The following LRGUK variants were observed in gnomAD, a reference collection of about 807,000 sequenced individuals.
LRGUK encodes the protein leucine rich repeats and guanylate kinase domain containing.
LRGUK carries 65 observed loss-of-function variants against 76.0 expected under a neutral mutation model. That is an observed-to-expected ratio of 0.85 (90% confidence interval 0.70 to 1.05). LRGUK has a LOEUF of 1.05. Among genes scored for constraint, LRGUK ranks in the 50% least tolerant of loss-of-function variants. The pLI, the probability that LRGUK is intolerant of heterozygous loss-of-function variation, is 0.00. For missense variants in LRGUK, 758 were observed against 732.8 expected (o/e 1.03, Z -0.40); for synonymous variants, 268 against 265.6 (o/e 1.01, Z -0.09).
chr7:134,263,403 C>CTGTGTGTGTGTGTCTGTGTG (rs1554479224), intron 19 of LRGUK, among the ~76,000 whole-genome samples: 276 of 142,272 alleles, frequency 1.9e-3, no homozygotes, highest in African/African-American at 7.4e-3. Context: ...CTTCACTTCA[C>CTGTGTGTGTGTGTCTGTGTG]TGTGTGTGTG....
chr7:134,189,011 G>A (rs1383810619), intron 11 of LRGUK, among the ~76,000 whole-genome samples: 1 of 152,134 alleles, frequency 6.6e-6, no homozygotes, highest in African/African-American at 2.4e-5. Context: ...TATTTAGCCT[G>A]GCTTTCCAAT....
chr7:134,273,249 T>C, the LRGUK span, among the ~76,000 whole-genome samples: 25 of 152,268 alleles, frequency 1.6e-4, no homozygotes, highest in East Asian at 2.7e-3. Flanking sequence ...TGTAGACATA[T>C]TGAGAACTTG....
chr7:134,158,035 G>T, exon 6 of LRGUK: 1 of 1,610,098 alleles, frequency 6.2e-7, no homozygotes, highest in Non-Finnish European at 8.5e-7. Flanking sequence ...TGGTGTATAG[G>T]CAATGAGATA....
downstream of LRGUK, among the ~76,000 whole-genome samples, chr7:134,212,487 A>G (rs1352824335): frequency 6.6e-6 from 1 of 152,234 alleles, no homozygotes; most frequent in Non-Finnish European, 1.5e-5. Context: ...TATGAATTTC[A>G]AATGTTATTT....
chr7:134,267,582 C>G (rs1802878382), downstream of LRGUK, among the ~76,000 whole-genome samples: 1 of 152,174 alleles, frequency 6.6e-6, no homozygotes, highest in Non-Finnish European at 1.5e-5. Context: ...CTCACAAGAA[C>G]TGATGGTTTT....
At chr7:134,142,264 G>C (rs186654359) in intron 3 of LRGUK, among the ~76,000 whole-genome samples, 26 of 152,318 alleles carry the variant, frequency 1.7e-4, no homozygotes, top group Non-Finnish European at 3.4e-4. Context: ...TACTAGTAGA[G>C]ACAGGGCCAT....
At chr7:134,250,425 A>G (rs922091754) in intron 18 of LRGUK, among the ~76,000 whole-genome samples, 3 of 152,172 alleles carry the variant, frequency 2.0e-5, no homozygotes, top group Non-Finnish European at 2.9e-5. Context: ...TATTTTCAAC[A>G]ATGAGCATTT....
chr7:134,150,479 CAA>C (rs11403705), intron 5 of LRGUK, among the ~76,000 whole-genome samples: 299 of 134,526 alleles, frequency 2.2e-3, no homozygotes, highest in African/African-American at 6.9e-3. Flanking sequence ...AACAAGCAAA[CAA>C]AAAAAAAAAA....
chr7:134,152,300 A>ATT (rs1457264570), intron 5 of LRGUK, among the ~76,000 whole-genome samples: 1 of 152,056 alleles, frequency 6.6e-6, no homozygotes, highest in Non-Finnish European at 1.5e-5. Flanking sequence ...GCAAAAACAA[A>ATT]TTTTATTAAA....
chr7:134,218,004 GAATCTAGAGTGCGGTGGCAC>G (rs1393313472), intron 15 of LRGUK, among the ~76,000 whole-genome samples: 9 of 152,086 alleles, frequency 5.9e-5, no homozygotes, highest in African/African-American at 1.9e-4. Context: ...TCCCAGGCTG[GAATCTAGAGTGCGGTGGCAC>G]AATCTCAGCT....
At chr7:134,156,280 G>GT (rs55878837) in intron 5 of LRGUK, among the ~76,000 whole-genome samples, 22 of 150,440 alleles carry the variant, frequency 1.5e-4, no homozygotes, top group South Asian at 8.4e-4. Flanking sequence ...TTATTAGGTT[G>GT]TTTTTTTTTC....
intron 11 of LRGUK, 148 bp from the exon 12 acceptor site, chr7:134,191,507 G>T: frequency 1.6e-6 from 1 of 631,766 alleles, no homozygotes; most frequent in Non-Finnish European, 2.7e-6. Flanking sequence ...TTAGCACTTC[G>T]AAACCAACAT....
intron 18 of LRGUK, among the ~76,000 whole-genome samples, chr7:134,255,775 T>C (rs1802563428): frequency 6.6e-6 from 1 of 152,092 alleles, no homozygotes; most frequent in African/African-American, 2.4e-5. Flanking sequence ...TTTATTTTCT[T>C]TTTTGACACT....
intron 16 of LRGUK, among the ~76,000 whole-genome samples, chr7:134,222,758 G>T (rs539735951): frequency 6.6e-6 from 1 of 152,012 alleles, no homozygotes. Context: ...ACAGGCATGC[G>T]CCACCATGCC....
exon 19 of LRGUK, chr7:134,258,308 G>A (rs747802104): frequency 4.9e-5 from 79 of 1,613,956 alleles, no homozygotes; most frequent in East Asian, 2.2e-4. Context: ...GGTTCTGTCC[G>A]TGGTCAAAAG....
intron 16 of LRGUK, among the ~76,000 whole-genome samples, chr7:134,226,522 A>C (rs1801769119): frequency 6.6e-6 from 1 of 152,210 alleles, no homozygotes; most frequent in Non-Finnish European, 1.5e-5. Flanking sequence ...CATATGGCAC[A>C]TGTCATAACT....
rs569527581 is a variant in LRGUK, at chr7:134,187,599, G to A, written c.1334+3746G>A. Reference sequence around the variant, plus strand: ...GGTTTTGATTTTACTATTTGTTCTTGGTTTTAGAAATATGTTGAATGTTCT... The same window carrying A: ...GGTTTTGATTTTACTATTTGTTCTTAGTTTTAGAAATATGTTGAATGTTCT... On this transcript the variant is annotated intron_variant, in intron 11 of 15. Coordinates refer to ENST00000645682, the Ensembl canonical transcript of LRGUK. 3.9e-5 allele frequency among the ~76,000 whole-genome samples: 6 copies of A among 152,234 alleles called. No homozygotes were observed. The East Asian group carries it at 1.2e-3, about 29-fold the overall frequency.
rs746761367 is a variant in LRGUK at position 134,180,282 on chromosome 7, A to G, written c.1214+1673A>G. On this transcript the variant is annotated intron_variant, in intron 10 of 15. Coordinates refer to ENST00000645682, the Ensembl canonical transcript of LRGUK. ...GCTAAGAATGTAACTCTTTTCATCAATTCCTCTGTCCATCCATCCATCCAT... is the reference window on the plus strand; with the variant it reads ...GCTAAGAATGTAACTCTTTTCATCAGTTCCTCTGTCCATCCATCCATCCAT... Among the ~76,000 whole-genome samples the G allele has an allele frequency of 3.9e-5, 5 of 128,816 alleles. No individual in the cohort carries two copies. In the Admixed American group the frequency reaches 4.3e-4, roughly 11 times the overall value. 84.5% of individuals were successfully genotyped at this position (128,816 alleles called of 152,430 possible).
chr7:134,148,115 G>A (rs941695173), intron 4 of LRGUK, 123 bp from the exon 5 acceptor site: 38 of 595,898 alleles, frequency 6.4e-5, no homozygotes, highest in Non-Finnish European at 9.6e-5. Context: ...GCCTTAGTGT[G>A]TACTTTCAGT....
Sources: gnomAD v4.1 joint callset for allele counts (sites outside exome capture counted in the v4.1 genomes callset) on GRCh38, gnomAD v4.1.1 for gene constraint, MANE v1.5 for transcripts, NCBI Gene and HGNC (gene_info 2026-07-23, HGNC 2026-07-21) for gene names.